SGCD: variants seen among roughly 807,000 people sequenced by gnomAD.
SGCD encodes sarcoglycan delta.
A neutral mutation model predicts 36.6 loss-of-function variants in SGCD; 18 were observed. The observed-to-expected ratio is 0.49, with a 90% confidence interval of 0.34 to 0.73. The LOEUF (loss-of-function observed/expected upper bound fraction) is 0.73. Among genes scored for constraint, SGCD ranks in the 30% least tolerant of loss-of-function variants. The probability of loss-of-function intolerance (pLI) is 0.01; values close to 1 mark genes in which losing one functional copy is unlikely to be tolerated. For missense variants in SGCD, 387 were observed against 346.7 expected (o/e 1.12, Z -0.92); for synonymous variants, 133 against 130.6 (o/e 1.02, Z -0.12).
intron 4 of SGCD, among the ~76,000 whole-genome samples, chr5:156,551,219 C>G (rs1164144922): frequency 6.6e-6 from 1 of 152,220 alleles, no homozygotes; most frequent in East Asian, 1.9e-4. Context: ...ATCCAGATCT[C>G]TGCCAAAATT....
At chr5:156,035,672 C>A (rs1308054434) in intron 1 of SGCD, among the ~76,000 whole-genome samples, 1 of 152,084 alleles carries the variant, frequency 6.6e-6, no homozygotes, top group African/African-American at 2.4e-5. Flanking sequence ...TTAGGTGGTT[C>A]TCTAATGGCA....
chr5:155,988,880 A>G (rs1758382250), intron 1 of SGCD, among the ~76,000 whole-genome samples: 1 of 152,202 alleles, frequency 6.6e-6, no homozygotes, highest in South Asian at 2.1e-4. Flanking sequence ...TGTTGCTTTT[A>G]TTATAACTAT....
At chr5:155,840,791 C>A in the SGCD span, among the ~76,000 whole-genome samples, 2 of 151,506 alleles carry the variant, frequency 1.3e-5, no homozygotes, top group African/African-American at 4.8e-5. Context: ...GCAGGCAGAT[C>A]ACCTGAGGTC....
intron 3 of SGCD, among the ~76,000 whole-genome samples, chr5:156,399,998 T>C (rs1434852220): frequency 6.6e-6 from 1 of 152,158 alleles, no homozygotes; most frequent in Non-Finnish European, 1.5e-5. Context: ...CCATAGAGTC[T>C]ATGGAAGTTA....
At chr5:156,342,213 A>G (rs1428898363) in intron 2 of SGCD, among the ~76,000 whole-genome samples, 3 of 152,254 alleles carry the variant, frequency 2.0e-5, no homozygotes, top group African/African-American at 2.4e-5. Context: ...AGCTACGTTT[A>G]TGTAATGACA....
the SGCD span, among the ~76,000 whole-genome samples, chr5:155,763,726 T>C: frequency 6.6e-6 from 1 of 152,186 alleles, no homozygotes; most frequent in Non-Finnish European, 1.5e-5. Context: ...CCAATATACA[T>C]TTTAAGTTGA....
At chr5:156,560,234 A>G (rs548448061) in intron 4 of SGCD, among the ~76,000 whole-genome samples, 4 of 152,340 alleles carry the variant, frequency 2.6e-5, no homozygotes, top group Non-Finnish European at 5.9e-5. Context: ...AGAAGCAAAC[A>G]TGCTGTAATG....
rs185873421 is a variant in SGCD at position 156,544,628 on chromosome 5, A to C, written c.294+35926A>C. On this transcript the variant is annotated intron_variant, in intron 4 of 8. Transcript: ENST00000337851. Reference sequence around the variant, plus strand: ...TTAGAAGGCCAATTAAAAAAAAAAAAAACTCACACTAGACAAGGACAATAT... The same window carrying C: ...TTAGAAGGCCAATTAAAAAAAAAAACAACTCACACTAGACAAGGACAATAT... 6.7e-3 allele frequency among the ~76,000 whole-genome samples: 1,022 copies of C among 152,180 alleles called. 11 individuals are homozygous for C. Among genetic ancestry groups the C allele is most frequent in the African/African-American group, 0.024 (981 of 41,516 alleles).
intron 2 of SGCD, among the ~76,000 whole-genome samples, chr5:156,337,400 T>G (rs2127710403): frequency 6.6e-6 from 1 of 152,302 alleles, no homozygotes; most frequent in African/African-American, 2.4e-5. Flanking sequence ...TAGCCATCAG[T>G]CTTGCTGTAT....
intron 3 of SGCD, among the ~76,000 whole-genome samples, chr5:156,151,697 A>G (rs1762839252): frequency 6.6e-6 from 1 of 151,648 alleles, no homozygotes; most frequent in Non-Finnish European, 1.5e-5. Flanking sequence ...AGAAATGTTT[A>G]CTAACAAAAC....
the SGCD span, among the ~76,000 whole-genome samples, chr5:155,747,498 T>C: frequency 8.5e-5 from 13 of 152,216 alleles, 1 homozygote; most frequent in Admixed American, 8.5e-4. Context: ...GAACTATCAG[T>C]CTTTTTGTTG....
At chr5:156,519,557 T>C (rs1290544310) in intron 4 of SGCD, among the ~76,000 whole-genome samples, 6 of 151,860 alleles carry the variant, frequency 4.0e-5, no homozygotes, top group Admixed American at 3.9e-4. Context: ...CTAGGAGAGA[T>C]ACAACAAAAA....
At chr5:156,266,264 A>G (rs796149572) in intron 3 of SGCD, among the ~76,000 whole-genome samples, 2 of 152,370 alleles carry the variant, frequency 1.3e-5, no homozygotes, top group African/African-American at 4.8e-5. Flanking sequence ...TTTTTCTTAA[A>G]AAAATCATTT....
At chr5:156,411,941 G>C (rs1266651159) in intron 3 of SGCD, among the ~76,000 whole-genome samples, 1 of 152,156 alleles carries the variant, frequency 6.6e-6, no homozygotes, top group South Asian at 2.1e-4. Context: ...CAGCCAGAAA[G>C]AAAAGTCTGA....
At chr5:156,096,172 C>T (rs921435594) in intron 1 of SGCD, among the ~76,000 whole-genome samples, 2 of 152,200 alleles carry the variant, frequency 1.3e-5, no homozygotes, top group African/African-American at 4.8e-5. Flanking sequence ...GACCCTTTGC[C>T]CTGTCCAGTA....
chr5:156,045,950 A>T (rs1473199128), intron 1 of SGCD, among the ~76,000 whole-genome samples: 3 of 152,150 alleles, frequency 2.0e-5, no homozygotes, highest in Admixed American at 2.0e-4. Flanking sequence ...AATCTTGCAT[A>T]GCTCCTCTCC....
chr5:155,829,518 C>T, the SGCD span, among the ~76,000 whole-genome samples: 2 of 152,184 alleles, frequency 1.3e-5, no homozygotes, highest in Non-Finnish European at 2.9e-5. Context: ...AGAGTGATGG[C>T]TGTATTTATT....
chr5:156,679,410 A>G (rs1753638187), intron 7 of SGCD, among the ~76,000 whole-genome samples: 1 of 152,200 alleles, frequency 6.6e-6, no homozygotes, highest in Non-Finnish European at 1.5e-5. Context: ...CATATAATGG[A>G]AAATTCTGAG....
chr5:156,204,482 A>ACG (rs1764225635), intron 3 of SGCD, among the ~76,000 whole-genome samples: 1 of 149,554 alleles, frequency 6.7e-6, no homozygotes, highest in Non-Finnish European at 1.5e-5. Context: ...ATACACACAC[A>ACG]CACACACACA....
Sources: gnomAD v4.1 joint callset for allele counts (sites outside exome capture counted in the v4.1 genomes callset) on GRCh38, gnomAD v4.1.1 for gene constraint, MANE v1.5 for transcripts, NCBI Gene and HGNC (gene_info 2026-07-23, HGNC 2026-07-21) for gene names.